Variants in PPP3CA observed in about 807,000 individuals in gnomAD.
The protein encoded by PPP3CA is protein phosphatase 3 catalytic subunit alpha.
PPP3CA carries 14 observed loss-of-function variants against 66.5 expected under a neutral mutation model. That is an observed-to-expected ratio of 0.21 (90% CI 0.14 to 0.33). The LOEUF (loss-of-function observed/expected upper bound fraction) is 0.33. PPP3CA is among the 10% of genes least tolerant of loss of function. The probability of loss-of-function intolerance (pLI) is 1.00; values close to 1 mark genes in which losing one functional copy is unlikely to be tolerated. For synonymous variants in PPP3CA, 232 were observed against 226.2 expected, an observed-to-expected ratio of 1.03 and a Z score of -0.23; for missense variants, 317 against 639.5, an observed-to-expected ratio of 0.50 and a Z score of 5.44.
intron 1 of PPP3CA, among the ~76,000 whole-genome samples, chr4:101,219,244 CT>C (rs1725549294): frequency 6.6e-6 from 1 of 151,980 alleles, no homozygotes; most frequent in East Asian, 1.9e-4. Flanking sequence ...TATTCTTCTA[CT>C]TAATAGTTAA....
chr4:101,134,475 CA>C (rs1318589241), intron 2 of PPP3CA, among the ~76,000 whole-genome samples: 3 of 151,826 alleles, frequency 2.0e-5, no homozygotes, highest in Non-Finnish European at 4.4e-5. Flanking sequence ...GGCCAACAAA[CA>C]AAAAAAGCAC....
intron 1 of PPP3CA, among the ~76,000 whole-genome samples, chr4:101,292,435 T>C (rs1728057415): frequency 6.6e-6 from 1 of 152,204 alleles, no homozygotes; most frequent in Non-Finnish European, 1.5e-5. Context: ...CAGCAGTACA[T>C]GCGCCTCTCC....
intron 8 of PPP3CA, among the ~76,000 whole-genome samples, chr4:101,080,025 C>G (rs1729366286): frequency 6.6e-6 from 1 of 152,114 alleles, no homozygotes; most frequent in South Asian, 2.1e-4. Context: ...TAATATTTAC[C>G]TTGAAGTTTA....
At chr4:101,333,103 CTTT>C (rs66790132) in intron 1 of PPP3CA, among the ~76,000 whole-genome samples, 35 of 88,276 alleles carry the variant, frequency 4.0e-4, no homozygotes, top group Admixed American at 5.0e-4. Flanking sequence ...CATCTTCTTT[CTTT>C]TTTTTTTTTT....
At chr4:101,291,583 A>C (rs145776758) in intron 1 of PPP3CA, among the ~76,000 whole-genome samples, 1 of 152,330 alleles carries the variant, frequency 6.6e-6, no homozygotes, top group East Asian at 1.9e-4. Context: ...TAACTCTAAC[A>C]AATGTTTAGC....
intron 1 of PPP3CA, among the ~76,000 whole-genome samples, chr4:101,230,254 A>T (rs1725917499): frequency 6.6e-6 from 1 of 151,636 alleles, no homozygotes; most frequent in Non-Finnish European, 1.5e-5. Context: ...CTAAAATTCT[A>T]TCCATCCCCA....
chr4:101,344,189 T>C (rs1447949495), intron 1 of PPP3CA, among the ~76,000 whole-genome samples: 1 of 152,208 alleles, frequency 6.6e-6, no homozygotes, highest in Non-Finnish European at 1.5e-5. Context: ...TATCTAATTT[T>C]TGCAAATTAA....
intron 4 of PPP3CA, among the ~76,000 whole-genome samples, chr4:101,098,753 T>C (rs1210039314): frequency 6.6e-6 from 1 of 152,126 alleles, no homozygotes; most frequent in African/African-American, 2.4e-5. Flanking sequence ...ACGTTTTGTA[T>C]AGCAAGAGAA....
intron 8 of PPP3CA, among the ~76,000 whole-genome samples, chr4:101,077,856 T>G (rs1729260102): frequency 1.3e-5 from 2 of 151,720 alleles, no homozygotes; most frequent in Non-Finnish European, 2.9e-5. Context: ...TCCAAACTTG[T>G]TAAATCAGAA....
chr4:101,215,907 A>G (rs1223643137), intron 1 of PPP3CA, among the ~76,000 whole-genome samples: 1 of 152,160 alleles, frequency 6.6e-6, no homozygotes, highest in Non-Finnish European at 1.5e-5. Context: ...GTTTAAAATT[A>G]AAGTTGTATC....
chr4:101,054,525 AGTT>A (rs1343754654), intron 10 of PPP3CA, among the ~76,000 whole-genome samples: 1 of 151,962 alleles, frequency 6.6e-6, no homozygotes, highest in Non-Finnish European at 1.5e-5. Flanking sequence ...AAATAAATAC[AGTT>A]TTGGTAGAAA....
intron 1 of PPP3CA, among the ~76,000 whole-genome samples, chr4:101,284,294 A>G (rs1727770092): frequency 6.6e-6 from 1 of 152,170 alleles, no homozygotes; most frequent in African/African-American, 2.4e-5. Flanking sequence ...TCTTGGAGTT[A>G]ACGTTACTTC....
At chr4:101,332,090 T>A (rs1729405651) in intron 1 of PPP3CA, among the ~76,000 whole-genome samples, 1 of 152,300 alleles carries the variant, frequency 6.6e-6, no homozygotes. Flanking sequence ...CTGAGAGGTA[T>A]GTTTAATTGA....
intron 10 of PPP3CA, among the ~76,000 whole-genome samples, chr4:101,060,512 T>C (rs986987181): frequency 1.3e-5 from 2 of 152,124 alleles, no homozygotes; most frequent in African/African-American, 4.8e-5. Flanking sequence ...TCTGTGCCTC[T>C]TGCAGAAAAA....
intron 1 of PPP3CA, among the ~76,000 whole-genome samples, chr4:101,319,722 G>T (rs1350719070): frequency 6.6e-6 from 1 of 152,074 alleles, no homozygotes; most frequent in African/African-American, 2.4e-5. Context: ...TTTTAGAACA[G>T]AAGTATAATG....
intron 1 of PPP3CA, among the ~76,000 whole-genome samples, chr4:101,331,452 C>T (rs1358233792): frequency 6.6e-6 from 1 of 152,112 alleles, no homozygotes; most frequent in African/African-American, 2.4e-5. Context: ...TTGCACTAAG[C>T]ACTGGAGAGA....
intron 2 of PPP3CA, among the ~76,000 whole-genome samples, chr4:101,117,070 T>C (rs1190233209): frequency 6.6e-6 from 1 of 151,894 alleles, no homozygotes; most frequent in Non-Finnish European, 1.5e-5. Flanking sequence ...TTAATAGCAG[T>C]ATTTTAAACA....
intron 6 of PPP3CA, 38 bp downstream of exon 6, chr4:101,093,738 T>A (rs1453583662): frequency 1.3e-6 from 2 of 1,542,920 alleles, no homozygotes; most frequent in Non-Finnish European, 1.8e-6. Flanking sequence ...AGCATTATGA[T>A]GCAAACGTGT....
At chr4:101,236,538 C>G (rs1726136971) in intron 1 of PPP3CA, among the ~76,000 whole-genome samples, 1 of 151,930 alleles carries the variant, frequency 6.6e-6, no homozygotes, top group African/African-American at 2.4e-5. Context: ...TTATCTCTCT[C>G]TATGCTGTGT....
Sources: allele counts gnomAD v4.1 joint callset (sites outside exome capture counted in the v4.1 genomes callset), GRCh38; gene constraint gnomAD v4.1.1; transcripts MANE v1.5; gene names NCBI Gene and HGNC (gene_info 2026-07-23, HGNC 2026-07-21).